Variants in REC114 observed in about 807,000 individuals in gnomAD.
REC114 encodes the protein REC114 meiotic recombination protein, also known as meiotic recombination protein REC114.
A neutral mutation model predicts 31.3 loss-of-function variants in REC114; 27 were observed. The observed-to-expected ratio is 0.86, with a 90% CI of 0.64 to 1.19. The LOEUF (loss-of-function observed/expected upper bound fraction) is 1.19, where lower values mean the gene tolerates loss of function less well. Ranked by LOEUF, REC114 falls within the 50% of genes most tolerant of loss-of-function variation. The pLI, the probability that REC114 is intolerant of heterozygous loss-of-function variation, is 0.00. For synonymous variants in REC114, 134 were observed against 127.7 expected (o/e 1.05, Z -0.33); for missense variants, 344 against 326.9 (o/e 1.05, Z -0.40).
intron 4 of REC114, among the ~76,000 whole-genome samples, chr15:73,553,590 G>A (rs1239090525): frequency 2.0e-5 from 3 of 152,146 alleles, no homozygotes; most frequent in Admixed American, 6.5e-5. Flanking sequence ...GTCACATCAC[G>A]CTAGAACCTC....
intron 1 of REC114, 22 bp downstream of exon 1, chr15:73,443,366 A>T: frequency 6.4e-7 from 1 of 1,552,066 alleles, no homozygotes; most frequent in Non-Finnish European, 8.7e-7. Flanking sequence ...AGGCAGGAAT[A>T]TCCCTGAGGT....
At chr15:73,534,210 A>G (rs1239754744) in intron 2 of REC114, among the ~76,000 whole-genome samples, 2 of 152,132 alleles carry the variant, frequency 1.3e-5, no homozygotes, top group Non-Finnish European at 2.9e-5. Context: ...AAGGAAATAG[A>G]GATACAAAAA....
chr15:73,459,332 C>T (rs1246447177), intron 1 of REC114, among the ~76,000 whole-genome samples: 1 of 151,508 alleles, frequency 6.6e-6, no homozygotes, highest in Non-Finnish European at 1.5e-5. Flanking sequence ...CAGGGTCAAG[C>T]GATTCTCCTG....
intron 2 of REC114, among the ~76,000 whole-genome samples, chr15:73,504,283 G>A (rs890358592): frequency 2.0e-5 from 3 of 152,058 alleles, no homozygotes; most frequent in Admixed American, 6.6e-5. Flanking sequence ...GATTACAGGC[G>A]TGAGCCACTG....
chr15:73,446,331 G>T (rs891062271), intron 1 of REC114, among the ~76,000 whole-genome samples: 1 of 152,144 alleles, frequency 6.6e-6, no homozygotes, highest in East Asian at 1.9e-4. Flanking sequence ...GATAGGAGAA[G>T]AATTAAAGAG....
chr15:73,527,487 A>G (rs1894023682), intron 2 of REC114, among the ~76,000 whole-genome samples: 1 of 152,132 alleles, frequency 6.6e-6, no homozygotes, highest in South Asian at 2.1e-4. Context: ...CTCTGTGCCA[A>G]AGTCTGGAAA....
At chr15:73,473,703 T>C (rs913002079) in intron 1 of REC114, 129 bp from the exon 2 acceptor site, 1 of 587,642 alleles carries the variant, frequency 1.7e-6, no homozygotes, top group African/African-American at 1.9e-5. Context: ...ATTAAATGAA[T>C]GGAAAAGCAA....
chr15:73,544,447 G>T (rs1489884342), intron 3 of REC114, among the ~76,000 whole-genome samples: 1 of 152,170 alleles, frequency 6.6e-6, no homozygotes, highest in African/African-American at 2.4e-5. Context: ...AATTCTATGA[G>T]TAGTAAACAT....
At chr15:73,526,980 A>AT (rs536090150) in intron 2 of REC114, among the ~76,000 whole-genome samples, 27 of 149,760 alleles carry the variant, frequency 1.8e-4, no homozygotes, top group South Asian at 4.2e-4. Flanking sequence ...CTCCTGATGT[A>AT]TTTTTTTTTT....
Position 73,443,165 on chromosome 15 carries a change from G to A in REC114, c.-21G>A. On this transcript the variant is annotated 5_prime_UTR_variant, in exon 1 of 6. It adds an upstream start codon to the 5' untranslated region. Coordinates refer to ENST00000331090, the MANE Select transcript of REC114 (RefSeq NM_001042367.2). ...CCAGATTGGCAGGTCCCCGCCGGCA[G>A]TGCGTGTGGTGAGGCAGGACATGGC... 7 of 1,540,192 alleles carry A rather than the reference G, an allele frequency of 4.5e-6. No individual in the cohort carries two copies. Among genetic ancestry groups the A allele is most frequent in the Non-Finnish European group, 6.1e-6 (7 of 1,145,328 alleles).
chr15:73,551,110 A>C lies in REC114; in HGVS notation c.506A>C (p.Gln169Pro), dbSNP rs896906673. The C allele has an allele frequency of 2.1e-5, 34 of 1,612,594 alleles. No homozygotes were observed. The highest frequency in any genetic ancestry group is 2.5e-5 in the Non-Finnish European group (30 of 1,179,320). Residue 169 changes from glutamine to proline, a missense_variant, in exon 4 of 6, where the codon CAA (glutamine) becomes CCA (proline). Coordinates refer to ENST00000331090, the MANE Select transcript of REC114 (RefSeq NM_001042367.2). The stretch of plus-strand genomic sequence containing the variant: ...GGCCCACCCAGGGCAACTGAAAGTC[A>C]AGGGAAGGATTCTGCAAAGAGTGTC... ...IPGPPRATES[Q>P]GKDSAKSVPR... is the part of the protein sequence containing the mutation.
intron 1 of REC114, among the ~76,000 whole-genome samples, chr15:73,447,978 C>G (rs917765825): frequency 6.6e-6 from 1 of 152,206 alleles, no homozygotes; most frequent in African/African-American, 2.4e-5. Context: ...TTCCCATGGT[C>G]TTTGCAATCA....
intron 2 of REC114, among the ~76,000 whole-genome samples, chr15:73,513,220 C>T (rs1485524771): frequency 1.3e-5 from 2 of 150,900 alleles, no homozygotes; most frequent in East Asian, 3.9e-4. Flanking sequence ...GATACCCTTT[C>T]TTCCAGTTGA....
chr15:73,555,285 G>T lies in REC114; in HGVS notation c.547-1017G>T, dbSNP rs536645363. Among the ~76,000 whole-genome samples, 385 of 152,210 alleles carry T rather than the reference G, an allele frequency of 2.5e-3. 1 individual carries two copies. Among genetic ancestry groups the T allele is most frequent in the Non-Finnish European group, 4.6e-3 (314 of 68,004 alleles). ...ATTGCACCATGAGCTCATACCTAGT[G>T]TAGGATCACCACTGCTCGTCTGGAG... On this transcript the variant is annotated intron_variant, in intron 4 of 5. Transcript: ENST00000331090.
At chr15:73,551,553 C>T (rs1384069082) in intron 4 of REC114, among the ~76,000 whole-genome samples, 1 of 152,148 alleles carries the variant, frequency 6.6e-6, no homozygotes, top group African/African-American at 2.4e-5. Context: ...ACAGATCAGG[C>T]AGTGGCACCA....
intron 4 of REC114, among the ~76,000 whole-genome samples, chr15:73,552,751 T>C (rs1894409824): frequency 6.6e-6 from 1 of 152,232 alleles, no homozygotes; most frequent in South Asian, 2.1e-4. Flanking sequence ...CAAACCTGGT[T>C]TTCCATTACT....
intron 2 of REC114, among the ~76,000 whole-genome samples, chr15:73,534,695 T>C (rs1255827390): frequency 4.6e-5 from 7 of 152,046 alleles, no homozygotes; most frequent in East Asian, 1.9e-4. Context: ...CCAGCATCAT[T>C]CTGATACCAA....
chr15:73,556,271 A>G (rs376170807), intron 4 of REC114, 31 bp from the exon 5 acceptor site: 3 of 1,571,844 alleles, frequency 1.9e-6, no homozygotes, highest in Non-Finnish European at 2.6e-6. Context: ...ACATTCAGCT[A>G]GTCTCCTTAT....
chr15:73,531,380 A>G (rs1235246242), intron 2 of REC114, among the ~76,000 whole-genome samples: 1 of 152,122 alleles, frequency 6.6e-6, no homozygotes, highest in Admixed American at 6.5e-5. Context: ...TTTTATCTCT[A>G]TGGCAAGTCT....
Sources: allele counts gnomAD v4.1 joint callset (sites outside exome capture counted in the v4.1 genomes callset), GRCh38; gene constraint gnomAD v4.1.1; transcripts MANE v1.5; gene names NCBI Gene and HGNC (gene_info 2026-07-23, HGNC 2026-07-21).